MAST4: variants seen among roughly 807,000 people sequenced by gnomAD.
MAST4 encodes microtubule associated serine/threonine kinase family member 4.
In MAST4, 89 loss-of-function variants were observed where a neutral mutation model predicts 162.7. The observed-to-expected ratio is 0.55, with a 90% confidence interval of 0.46 to 0.65. The LOEUF is 0.65. MAST4 is among the 30% of genes least tolerant of loss of function. The pLI, the probability that MAST4 is intolerant of heterozygous loss-of-function variation, is 0.00. For missense variants in MAST4, 3,153 were observed against 3,374.0 expected (o/e 0.93, Z 1.62); for synonymous variants, 1,479 against 1,361.1 (o/e 1.09, Z -1.91).
At chr5:67,161,170 G>A (rs1259213031) in intron 27 of MAST4, among the ~76,000 whole-genome samples, 1 of 152,190 alleles carries the variant, frequency 6.6e-6, no homozygotes, top group Non-Finnish European at 1.5e-5. Context: ...TGGCAGGGCT[G>A]TTTCTTGCCA....
In MAST4 at chr5:67,111,013, G is replaced by T. The variant is rs554312076; in HGVS notation, c.1458+814G>T. On this transcript the variant is annotated intron_variant, in intron 11 of 28. Transcript: ENST00000403625. ...CACTCCAGCCTGAGTGACAGAATGA[G>T]ATTTCGTCTCAAAAAATAAAAAAAA... is the stretch of plus-strand genomic sequence containing the variant. Among the ~76,000 whole-genome samples, 7 of 152,236 alleles carry T rather than the reference G, an allele frequency of 4.6e-5. No homozygotes were observed. In the South Asian group the frequency reaches 1.4e-3, roughly 32 times the overall value.
At chr5:66,825,026 G>A (rs1044031193) in intron 3 of MAST4, among the ~76,000 whole-genome samples, 2 of 151,934 alleles carry the variant, frequency 1.3e-5, no homozygotes, top group African/African-American at 4.8e-5. Context: ...GTACACTTAG[G>A]CTACACTGAA....
intron 4 of MAST4, among the ~76,000 whole-genome samples, chr5:66,932,713 C>T (rs1337615553): frequency 6.6e-6 from 1 of 152,154 alleles, no homozygotes; most frequent in Admixed American, 6.5e-5. Flanking sequence ...TTCTGTTCCT[C>T]AGAGCATGTC....
Position 66,710,394 on chromosome 5 carries a change from A to G in MAST4, c.364-49315A>G, listed in dbSNP as rs377412632. 3.3e-5 allele frequency among the ~76,000 whole-genome samples: 5 copies of G among 152,310 alleles called. No homozygotes were observed. In the East Asian group the frequency reaches 5.8e-4, roughly 18 times the overall value. On this transcript the variant is annotated intron_variant, in intron 1 of 28. Coordinates refer to ENST00000403625, the MANE Select transcript of MAST4 (RefSeq NM_001164664.2). ...TGATAAGTGGACAAAAGAGAAGGGC[A>G]CTTTAGTAGCATCTTGACCTTGTTA... is the stretch of plus-strand genomic sequence containing the variant.
intron 4 of MAST4, among the ~76,000 whole-genome samples, chr5:67,053,375 A>G (rs1267394654): frequency 6.6e-6 from 1 of 152,206 alleles, no homozygotes; most frequent in Non-Finnish European, 1.5e-5. Context: ...ATCTGGTATA[A>G]CAGAGTTCTG....
Position 66,788,705 on chromosome 5 carries a change from G to A in MAST4, c.553G>A (p.Ala185Thr). 6.2e-7 allele frequency: 1 copy of A among 1,613,164 alleles called. No homozygotes were observed. Residue 185 changes from alanine to threonine, a missense_variant, in exon 3 of 29, where the codon GCC becomes ACC. By Grantham distance (58) the Ala-to-Thr change is moderately conservative (BLOSUM62 0). Transcript: ENST00000403625. ...YLLPNPVAGQ[A>T]WPASAETSNL... ...TCTTCCAAACCCGGTGGCGGGACAGGCCTGGCCGGCCTCTGCAGAGACGTC... is the reference window on the plus strand; with the variant it reads ...TCTTCCAAACCCGGTGGCGGGACAGACCTGGCCGGCCTCTGCAGAGACGTC...
chr5:67,019,747 G>T (rs1449459555), intron 4 of MAST4, among the ~76,000 whole-genome samples: 1 of 152,128 alleles, frequency 6.6e-6, no homozygotes, highest in Non-Finnish European at 1.5e-5. Flanking sequence ...CCCTGTCATG[G>T]ACTAAAATAT....
chr5:67,032,343 CCCCA>C (rs920236259), intron 4 of MAST4, among the ~76,000 whole-genome samples: 2 of 152,100 alleles, frequency 1.3e-5, no homozygotes, highest in African/African-American at 4.8e-5. Flanking sequence ...GACTAAACTT[CCCCA>C]CCCACGTTTT....
At chr5:66,953,826 C>G (rs1744980204) in intron 4 of MAST4, among the ~76,000 whole-genome samples, 1 of 152,162 alleles carries the variant, frequency 6.6e-6, no homozygotes, top group South Asian at 2.1e-4. Flanking sequence ...GGGGCAATAT[C>G]TGTGTGCTAT....
chr5:66,996,055 A>G (rs1269579623), intron 4 of MAST4, among the ~76,000 whole-genome samples: 2 of 152,110 alleles, frequency 1.3e-5, no homozygotes, highest in African/African-American at 4.8e-5. Flanking sequence ...CGGTGGGTGG[A>G]TTGCCTAAGG....
At chr5:66,972,487 G>A (rs1747566362) in intron 4 of MAST4, among the ~76,000 whole-genome samples, 1 of 152,136 alleles carries the variant, frequency 6.6e-6, no homozygotes, top group East Asian at 1.9e-4. Flanking sequence ...CAAGCTCTGA[G>A]TCAAAAGCCA....
chr5:67,056,202 C>G (rs1178113898), intron 5 of MAST4, among the ~76,000 whole-genome samples: 2 of 151,998 alleles, frequency 1.3e-5, no homozygotes, highest in African/African-American at 4.8e-5. Flanking sequence ...CGGGTGTAAG[C>G]AGTGGTAACA....
At chr5:66,884,020 T>C (rs1761881839) in intron 3 of MAST4, among the ~76,000 whole-genome samples, 1 of 152,212 alleles carries the variant, frequency 6.6e-6, no homozygotes, top group South Asian at 2.1e-4. Context: ...AATTCTAAGT[T>C]ACTAAGTACA....
chr5:66,905,502 G>A (rs1251570869), intron 4 of MAST4, among the ~76,000 whole-genome samples: 1 of 152,124 alleles, frequency 6.6e-6, no homozygotes, highest in Non-Finnish European at 1.5e-5. Flanking sequence ...AATACTAGCA[G>A]CTGGTAACAG....
At position 66,825,225 on chromosome 5, in the gene MAST4, T is replaced by G. The variant is rs967702097; in HGVS notation, c.642+36431T>G. On this transcript the variant is annotated intron_variant, in intron 3 of 28. Transcript: ENST00000403625. Reference sequence around the variant, plus strand: ...AAGCTTTTTTCTATTTAGAAATGTATTTTTTAACTTTTTAACCTTTTTTGT... The same window carrying G: ...AAGCTTTTTTCTATTTAGAAATGTAGTTTTTAACTTTTTAACCTTTTTTGT... Among the ~76,000 whole-genome samples, 4 of 152,026 alleles carry G rather than the reference T, an allele frequency of 2.6e-5. No homozygotes were observed. The East Asian group carries it at 7.7e-4, about 29-fold the overall frequency.
chr5:66,913,260 C>A lies in MAST4; in HGVS notation c.674+13278C>A, dbSNP rs1052722686. Among the ~76,000 whole-genome samples, 7 of 152,182 alleles carry A rather than the reference C, an allele frequency of 4.6e-5. No homozygotes were observed. In the East Asian group the frequency reaches 1.3e-3, roughly 29 times the overall value. On this transcript the variant is annotated intron_variant, in intron 4 of 28. Coordinates refer to ENST00000403625, the MANE Select transcript of MAST4 (RefSeq NM_001164664.2). ...CATCTCCCCCAGAAGTTTTCTCCTG[C>A]CCCTTTGTCATTGCTCCCCCACCCC...
rs1166634515 is a variant in MAST4 at position 67,113,253 on chromosome 5, G to A, written c.1459-834G>A. ...GTCGTGAACCTGGGAGGCGGAGCTT[G>A]CAGTGAGCCGAGATCGCACCACTGC... On this transcript the variant is annotated intron_variant, in intron 11 of 28. Transcript: ENST00000403625. Among the ~76,000 whole-genome samples the A allele has an allele frequency of 2.2e-5, 3 of 139,244 alleles. No individual in the cohort carries two copies. In the South Asian group the frequency reaches 6.9e-4, roughly 32 times the overall value. 91.3% of individuals were successfully genotyped at this position (139,244 alleles called of 152,430 possible).
At chr5:67,092,013 A>G (rs543208667) in intron 6 of MAST4, among the ~76,000 whole-genome samples, 10 of 152,284 alleles carry the variant, frequency 6.6e-5, no homozygotes, top group African/African-American at 2.4e-4. Flanking sequence ...TGAAAACTCA[A>G]ATTGGTGTAT....
At chr5:66,606,511 C>T (rs1296605937) in intron 1 of MAST4, among the ~76,000 whole-genome samples, 1 of 152,176 alleles carries the variant, frequency 6.6e-6, no homozygotes, top group Non-Finnish European at 1.5e-5. Context: ...TCTCTTTTCT[C>T]ACTTTAAAAG....
Sources: gnomAD v4.1 joint callset for allele counts (sites outside exome capture counted in the v4.1 genomes callset) on GRCh38, gnomAD v4.1.1 for gene constraint, MANE v1.5 for transcripts, NCBI Gene and HGNC (gene_info 2026-07-23, HGNC 2026-07-21) for gene names.